The following DHX37 variants were observed in gnomAD, a reference collection of about 807,000 sequenced individuals.
DHX37 encodes probable ATP-dependent RNA helicase DHX37.
A neutral mutation model predicts 134.3 loss-of-function variants in DHX37; 52 were observed. The observed-to-expected ratio is 0.39, with a 90% confidence interval of 0.31 to 0.49. DHX37 has a LOEUF of 0.49. Among genes scored for constraint, DHX37 ranks in the 20% least tolerant of loss-of-function variants. The pLI is 0.93. For missense variants in DHX37, 1,344 were observed against 1,580.8 expected, an observed-to-expected ratio of 0.85 and a Z score of 2.54; for synonymous variants, 634 against 670.7, an observed-to-expected ratio of 0.95 and a Z score of 0.85.
Position 124,989,083 on chromosome 12 carries a change from C to T in DHX37, c.-61G>A. On this transcript the variant is annotated 5_prime_UTR_variant, in exon 1 of 27. Coordinates refer to ENST00000308736, the MANE Select transcript of DHX37 (RefSeq NM_032656.4). ...ACCAGCAGAGCAATCCGAAACCCAG[C>T]CCACGTGGGTTCCCAGACCACCAAC... 3 of 1,159,410 alleles carry T rather than the reference C, an allele frequency of 2.6e-6. No homozygotes were observed. Among genetic ancestry groups the T allele is most frequent in the Admixed American group, 4.2e-5 (1 of 24,044 alleles). 71.8% of individuals were successfully genotyped at this position (1,159,410 alleles called of 1,614,324 possible). A position where few individuals can be genotyped will look rare whatever the true frequency, so the allele number is the denominator to read the frequency against.
At chr12:124,981,475 C>A (rs1033026401) in intron 3 of DHX37, among the ~76,000 whole-genome samples, 9 of 152,186 alleles carry the variant, frequency 5.9e-5, no homozygotes, top group African/African-American at 2.2e-4. Flanking sequence ...CACCTTGTCG[C>A]CCAGGACGGA....
Position 124,949,978 on chromosome 12 carries a change from G to C in DHX37, c.3290+8C>G. ...TGCCCACTGCGAGGCTCCCACCGAA[G>C]GCAGTACCTGGCCCACGTCTTCAGC... On this transcript the variant is annotated splice_region_variant and intron_variant, in intron 25 of 26. Transcript: ENST00000308736. This position sits in a 1 kb window ranked among gnomAD's most constrained non-coding sequence, Gnocchi z 4.0. 6.2e-7 allele frequency: 1 copy of C among 1,606,104 alleles called. No individual in the cohort carries two copies. The highest frequency in any genetic ancestry group is 8.5e-7 in the Non-Finnish European group (1 of 1,175,528).
chr12:124,973,501 G>C lies in DHX37; in HGVS notation c.981-902C>G, dbSNP rs186023253. ...ACCTAAGATTTGCTTCTAAACAGTGGGGGGGAGGGGGGCCAGGAGGAGAGT... is the reference window on the plus strand; with the variant it reads ...ACCTAAGATTTGCTTCTAAACAGTGCGGGGGAGGGGGGCCAGGAGGAGAGT... On this transcript the variant is annotated intron_variant, in intron 6 of 26. Transcript: ENST00000308736. 1.5e-4 allele frequency among the ~76,000 whole-genome samples: 23 copies of C among 152,056 alleles called. 1 individual carries two copies. Among genetic ancestry groups the C allele is most frequent in the Admixed American group, 9.8e-4 (15 of 15,240 alleles).
In DHX37 at chr12:124,972,410, T is replaced by C. The variant is rs1283369760; in HGVS notation, c.1077+93A>G. The C allele has an allele frequency of 2.3e-6, 3 of 1,316,542 alleles. No individual in the cohort carries two copies. The African/African-American group carries it at 4.3e-5, about 19-fold the overall frequency. The allele number at this position is 1,316,542 out of a possible 1,614,324, so 81.6% of individuals were successfully genotyped here. ...ACCGTGGGAGTGCTGGATCAACAGG[T>C]GGCTTGCCGGCTGCTCATATCCCAG... On this transcript the variant is annotated intron_variant, in intron 7 of 26. Transcript: ENST00000308736.
At position 124,947,461 on chromosome 12, in the gene DHX37, G is replaced by A. The variant is rs1016599297; in HGVS notation, c.*341C>T. On this transcript the variant is annotated 3_prime_UTR_variant, in exon 27 of 27. Coordinates refer to ENST00000308736, the MANE Select transcript of DHX37 (RefSeq NM_032656.4). ...TGCCTCCTCGGCCTTCTGGCAGGGC[G>A]GGCGGGGAAGGGACTGCAGAGATCT... The A allele has an allele frequency of 8.0e-5, 17 of 213,692 alleles. No homozygotes were observed. Among genetic ancestry groups the A allele is most frequent in the African/African-American group, 1.1e-4 (5 of 43,886 alleles). 13.2% of individuals were successfully genotyped at this position (213,692 alleles called of 1,614,324 possible).
At chr12:124,961,264 A>ACATACACGCGTGCACGCACACACACT (rs529082353) in intron 15 of DHX37, among the ~76,000 whole-genome samples, 4 of 125,126 alleles carry the variant, frequency 3.2e-5, no homozygotes, top group South Asian at 4.3e-4. Flanking sequence ...ACGCACACAC[A>ACATACACGCGTGCACGCACACACACT]TACACGCGTG....
rs774375537 is a variant in DHX37 at position 124,980,613 on chromosome 12, G to C, written c.615C>G (p.Pro205=). The C allele has an allele frequency of 1.1e-5, 17 of 1,609,812 alleles. No individual in the cohort carries two copies. The East Asian group carries it at 3.6e-4, about 34-fold the overall frequency. ...TVAPLPPAPA[P]SSQPVPAGMT... is the part of the protein sequence containing the mutation. Reference sequence around the variant, plus strand: ...TCCCAGCCGGCACGGGCTGACTGCTGGGTGCTGGAGCTGGCGGCAGAGGTG... The same window carrying C: ...TCCCAGCCGGCACGGGCTGACTGCTCGGTGCTGGAGCTGGCGGCAGAGGTG... The change falls in exon 4 of 27, where the codon CCC becomes CCG. Residue 205 remains proline (P), a synonymous_variant. Transcript: ENST00000308736. The surrounding 1 kb of genome is among the most constrained non-coding windows in gnomAD (Gnocchi z 5.3).
chr12:124,977,640 C>T (rs1954673429), intron 4 of DHX37, 150 bp from the exon 5 acceptor site: 3 of 849,128 alleles, frequency 3.5e-6, no homozygotes, highest in African/African-American at 1.8e-5. Context: ...GACCAGGAGC[C>T]ATGGTCCAGG....
chr12:124,961,867 G>A (rs1316366377), intron 15 of DHX37, among the ~76,000 whole-genome samples: 1 of 152,070 alleles, frequency 6.6e-6, no homozygotes, highest in African/African-American at 2.4e-5. Context: ...AGTCATTAGG[G>A]AAACATAAAC....
At chr12:124,964,683 A>T in intron 14 of DHX37, 57 bp from the exon 15 acceptor site, 1 of 1,595,652 alleles carries the variant, frequency 6.3e-7, no homozygotes, top group Admixed American at 1.9e-5. Flanking sequence ...GAAATCGTGG[A>T]ATGGAGGCTC....
intron 4 of DHX37, among the ~76,000 whole-genome samples, chr12:124,978,054 G>A (rs574332701): frequency 1.1e-3 from 167 of 152,214 alleles, no homozygotes; most frequent in African/African-American, 3.5e-3. Flanking sequence ...TCTGCCTCCC[G>A]GGTTCAAGCG....
At position 124,952,482 on chromosome 12, in the gene DHX37, G is replaced by A. The variant is rs538005722; in HGVS notation, c.2784C>T (p.Ile928=). The A allele has an allele frequency of 4.0e-5, 64 of 1,611,568 alleles. No individual in the cohort carries two copies. The highest frequency in any genetic ancestry group is 1.9e-4 in the African/African-American group (14 of 74,986). Residue 928 remains isoleucine (I), a synonymous_variant, in exon 21 of 27, where the codon ATC becomes ATT. Transcript: ENST00000308736. The stretch of plus-strand genomic sequence containing the variant: ...AGTGGTCCCCCAGGCCTGCCGTCAC[G>A]ATCTGTCGCAGGTAGGTCACCTGGC... ...TESQVTYLRQ[I]VTAGLGDHLA...
At chr12:124,959,818 T>A (rs571817834) in intron 16 of DHX37, among the ~76,000 whole-genome samples, 160 of 152,346 alleles carry the variant, frequency 1.1e-3, no homozygotes, top group Non-Finnish European at 2.1e-3. Context: ...ACTAGATGTG[T>A]GTCCCTGGAC....
chr12:124,964,767 T>C, intron 14 of DHX37, 141 bp from the exon 15 acceptor site: 2 of 1,464,630 alleles, frequency 1.4e-6, no homozygotes, highest in Non-Finnish European at 1.8e-6. Context: ...GCCCAGTGCC[T>C]TGGGGGAGGG....
intron 2 of DHX37, among the ~76,000 whole-genome samples, chr12:124,984,930 T>A (rs1364837483): frequency 6.6e-6 from 1 of 152,144 alleles, no homozygotes; most frequent in Non-Finnish European, 1.5e-5. Flanking sequence ...ATCCTGAGTA[T>A]CTGAGCGCGA....
chr12:124,968,685 G>T (rs770109673), intron 9 of DHX37, 37 bp from the exon 10 acceptor site: 5 of 1,612,752 alleles, frequency 3.1e-6, no homozygotes, highest in Non-Finnish European at 4.2e-6. Context: ...GAGTGGGGGG[G>T]ACACGAGCTT....
intron 26 of DHX37, 84 bp from the exon 27 acceptor site, chr12:124,947,971 C>T (rs777741689): frequency 1.4e-5 from 23 of 1,612,000 alleles, no homozygotes; most frequent in Admixed American, 5.0e-5. Context: ...GGCCAGCAGC[C>T]GTGGGGCCAG....
At chr12:124,981,914 G>A (rs906098442) in intron 3 of DHX37, among the ~76,000 whole-genome samples, 2 of 151,598 alleles carry the variant, frequency 1.3e-5, no homozygotes, top group Non-Finnish European at 2.9e-5. Flanking sequence ...ACCCAAGGTT[G>A]GGAGTTCGAG....
chr12:124,974,818 C>T (rs529222513), intron 6 of DHX37, among the ~76,000 whole-genome samples: 1 of 151,466 alleles, frequency 6.6e-6, no homozygotes, highest in African/African-American at 2.4e-5. Flanking sequence ...CTCTTGTTGC[C>T]CATGCTGGAG....
Sources: allele counts gnomAD v4.1 joint callset (sites outside exome capture counted in the v4.1 genomes callset), GRCh38; gene constraint gnomAD v4.1.1; non-coding constraint Gnocchi (gnomAD v3.1); transcripts MANE v1.5; gene names NCBI Gene and HGNC (gene_info 2026-07-23, HGNC 2026-07-21).